The following GRID2 variants were observed in gnomAD, a reference collection of about 807,000 sequenced individuals.
GRID2 encodes glutamate receptor ionotropic, delta-2.
A neutral mutation model predicts 114.8 loss-of-function variants in GRID2; 33 were observed. That is an observed-to-expected ratio of 0.29 (90% CI 0.22 to 0.38). The LOEUF is 0.38. Ranked by LOEUF, GRID2 falls within the 10% of genes least tolerant of loss-of-function variation. The pLI, the probability that GRID2 is intolerant of heterozygous loss-of-function variation, is 1.00. For missense variants in GRID2, 1,184 were observed against 1,257.7 expected, an observed-to-expected ratio of 0.94 and a Z score of 0.89; for synonymous variants, 505 against 449.9, an observed-to-expected ratio of 1.12 and a Z score of -1.55.
chr4:92,774,488 T>C lies in GRID2; in HGVS notation c.244+184202T>C, dbSNP rs115488774. On this transcript the variant is annotated intron_variant, in intron 2 of 15. Coordinates refer to ENST00000282020, the MANE Select transcript of GRID2 (RefSeq NM_001510.4). ...TGAGGTACTTTACTTATAATGTTTA[T>C]TGAGAATGAAATTATCCCATACATT... Among the ~76,000 whole-genome samples, 205 of 152,166 alleles carry C rather than the reference T, an allele frequency of 1.3e-3. 1 individual carries two copies. The highest frequency in any genetic ancestry group is 4.8e-3 in the African/African-American group (199 of 41,550).
intron 1 of GRID2, among the ~76,000 whole-genome samples, chr4:92,510,680 A>T (rs1724200208): frequency 6.6e-6 from 1 of 151,820 alleles, no homozygotes; most frequent in African/African-American, 2.4e-5. Flanking sequence ...GTTAACAATA[A>T]GTCATAGTAT....
At chr4:93,553,810 A>G (rs1045875818) in intron 13 of GRID2, among the ~76,000 whole-genome samples, 7 of 152,314 alleles carry the variant, frequency 4.6e-5, no homozygotes, top group South Asian at 4.1e-4. Flanking sequence ...ACACAGGAAG[A>G]CTACTAATTT....
chr4:92,633,410 CA>C (rs1309602431), intron 2 of GRID2, among the ~76,000 whole-genome samples: 1 of 152,030 alleles, frequency 6.6e-6, no homozygotes, highest in Non-Finnish European at 1.5e-5. Context: ...ACAAAGGGAA[CA>C]AACAAAAGAG....
At chr4:92,712,747 T>G (rs958456752) in intron 2 of GRID2, among the ~76,000 whole-genome samples, 1 of 152,150 alleles carries the variant, frequency 6.6e-6, no homozygotes, top group Admixed American at 6.5e-5. Flanking sequence ...GGATTGAATT[T>G]AGGTAATCAT....
At chr4:92,411,647 GTGTGTGTGTATATATA>G (rs1322145135) in intron 1 of GRID2, among the ~76,000 whole-genome samples, 5 of 87,288 alleles carry the variant, frequency 5.7e-5, no homozygotes, top group South Asian at 3.8e-4. Context: ...GTGTGTGTGT[GTGTGTGTGTATATATA>G]TATATATATA....
chr4:92,929,538 C>G (rs1750070515), intron 2 of GRID2, among the ~76,000 whole-genome samples: 1 of 151,282 alleles, frequency 6.6e-6, no homozygotes, highest in Non-Finnish European at 1.5e-5. Context: ...ATCAAAATAA[C>G]AGACTGACAT....
chr4:93,183,436 G>T (rs993590398), intron 4 of GRID2, among the ~76,000 whole-genome samples: 1 of 152,144 alleles, frequency 6.6e-6, no homozygotes, highest in African/African-American at 2.4e-5. Flanking sequence ...ATCAATAGAT[G>T]TTTCACGTGT....
At position 93,754,837 on chromosome 4, in the gene GRID2, C is replaced by T. The variant is rs926476931; in HGVS notation, c.2361-14373C>T. ...TGGGGTAAAGTGGAGAAATAGAGGG[C>T]TTTGCAACTGCCTGCATTTTGTACA... On this transcript the variant is annotated intron_variant, in intron 14 of 15. Transcript: ENST00000282020. Among the ~76,000 whole-genome samples the T allele has an allele frequency of 2.6e-4, 39 of 152,138 alleles. 1 individual carries two copies. Among genetic ancestry groups the T allele is most frequent in the African/African-American group, 9.4e-4 (39 of 41,438 alleles).
chr4:93,730,969 G>A (rs367835546), intron 14 of GRID2, among the ~76,000 whole-genome samples: 14 of 152,182 alleles, frequency 9.2e-5, no homozygotes, highest in African/African-American at 2.7e-4. Flanking sequence ...CACCAAGCCC[G>A]GCGTGGGGAG....
chr4:92,651,531 C>G (rs879781969), intron 2 of GRID2, among the ~76,000 whole-genome samples: 1 of 152,030 alleles, frequency 6.6e-6, no homozygotes, highest in African/African-American at 2.4e-5. Flanking sequence ...TCTCCACTAG[C>G]TAGGTCACCC....
At chr4:93,448,551 G>T (rs72886217) in intron 10 of GRID2, among the ~76,000 whole-genome samples, 12,311 of 151,864 alleles carry the variant, frequency 0.081, 672 homozygotes, top group African/African-American at 0.16. Context: ...ACACTATTAA[G>T]TTCCATTTAA....
chr4:93,668,979 A>G (rs1724175349), intron 14 of GRID2, among the ~76,000 whole-genome samples: 1 of 152,024 alleles, frequency 6.6e-6, no homozygotes, highest in African/African-American at 2.4e-5. Context: ...TTATTTTGCT[A>G]ACATTATGTT....
At chr4:93,232,786 G>A (rs1279505253) in intron 7 of GRID2, among the ~76,000 whole-genome samples, 1 of 151,750 alleles carries the variant, frequency 6.6e-6, no homozygotes, top group Admixed American at 6.6e-5. Flanking sequence ...GATATATGTT[G>A]ATATCTCAAA....
intron 10 of GRID2, among the ~76,000 whole-genome samples, chr4:93,436,544 A>G (rs192529205): frequency 9.9e-4 from 150 of 152,254 alleles, no homozygotes; most frequent in Non-Finnish European, 1.7e-3. Flanking sequence ...TTATCAGAGG[A>G]AGGGGAAGTA....
chr4:92,790,045 TA>T (rs1739504105), intron 2 of GRID2, among the ~76,000 whole-genome samples: 1 of 151,908 alleles, frequency 6.6e-6, no homozygotes, highest in African/African-American at 2.4e-5. Context: ...TTTTCTATGT[TA>T]TTTTTAGCAT....
Position 93,106,664 on chromosome 4 carries a change from A to C in GRID2, c.530-4084A>C, listed in dbSNP as rs528208797. On this transcript the variant is annotated intron_variant, in intron 3 of 15. Coordinates refer to ENST00000282020, the MANE Select transcript of GRID2 (RefSeq NM_001510.4). ...GACTCTTACACACAGCAGCTCATAA[A>C]GAGCATGGCTCTGAATCTTCTCTCA... 5.1e-4 allele frequency among the ~76,000 whole-genome samples: 77 copies of C among 152,352 alleles called. No homozygotes were observed. The Middle Eastern group carries it at 0.014, about 27-fold the overall frequency.
At chr4:92,600,121 G>A (rs1729157466) in intron 2 of GRID2, among the ~76,000 whole-genome samples, 1 of 143,630 alleles carries the variant, frequency 7.0e-6, no homozygotes, top group Non-Finnish European at 1.5e-5. Flanking sequence ...GAGGGTGTAG[G>A]TGGGGAAGCA....
At chr4:92,967,412 G>C (rs909265832) in intron 2 of GRID2, among the ~76,000 whole-genome samples, 1 of 151,862 alleles carries the variant, frequency 6.6e-6, no homozygotes, top group Non-Finnish European at 1.5e-5. Context: ...AAGTGTTTTT[G>C]TATTTAGTCT....
chr4:93,588,709 G>A (rs964452390), intron 13 of GRID2, among the ~76,000 whole-genome samples: 1 of 152,166 alleles, frequency 6.6e-6, no homozygotes. Flanking sequence ...AACTAAGTCT[G>A]AGCCCTGCCC....
Sources: gnomAD v4.1 joint callset for allele counts (sites outside exome capture counted in the v4.1 genomes callset) on GRCh38, gnomAD v4.1.1 for gene constraint, MANE v1.5 for transcripts, NCBI Gene and HGNC (gene_info 2026-07-23, HGNC 2026-07-21) for gene names.